Variants in COQ3 observed in about 807,000 individuals in gnomAD.
The protein encoded by COQ3 is coenzyme Q3, methyltransferase.
A neutral mutation model predicts 33.1 loss-of-function variants in COQ3; 29 were observed. That is an observed-to-expected ratio of 0.88 (90% CI 0.65 to 1.19). The LOEUF is 1.19. Among genes scored for constraint, COQ3 ranks in the 50% most tolerant of loss-of-function variants. The pLI is 0.00. For synonymous variants in COQ3, 173 were observed against 157.8 expected, an observed-to-expected ratio of 1.10 and a Z score of -0.72; for missense variants, 437 against 430.7, an observed-to-expected ratio of 1.01 and a Z score of -0.13.
intron 1 of COQ3, among the ~76,000 whole-genome samples, chr6:99,386,518 A>G (rs1438694243): frequency 6.6e-6 from 1 of 152,230 alleles, no homozygotes; most frequent in African/African-American, 2.4e-5. Flanking sequence ...TCAAACCTGA[A>G]GTTAATTCAC....
rs151159563 is a variant in COQ3 at position 99,379,770 on chromosome 6, G to A, written c.386+419C>T. On this transcript the variant is annotated intron_variant, in intron 3 of 6. Transcript: ENST00000254759. The stretch of plus-strand genomic sequence containing the variant: ...CTCAGGAGGCTGAGGCAGGAGAATC[G>A]CTTGAAACCAGGAGGTGGAGGTTGG... Among the ~76,000 whole-genome samples, 266 of 152,014 alleles carry A rather than the reference G, an allele frequency of 1.7e-3. 3 individuals carry two copies. In the East Asian group the frequency reaches 0.043, roughly 25 times the overall value.
At chr6:99,390,879 T>C (rs1315797142) in intron 1 of COQ3, among the ~76,000 whole-genome samples, 1 of 152,142 alleles carries the variant, frequency 6.6e-6, no homozygotes, top group African/African-American at 2.4e-5. Context: ...CAATTTATCA[T>C]GAATGAGGTT....
intron 1 of COQ3, among the ~76,000 whole-genome samples, chr6:99,391,094 T>G (rs868703193): frequency 1.3e-4 from 12 of 95,964 alleles, no homozygotes; most frequent in Non-Finnish European, 1.3e-4. Flanking sequence ...TTTATTTATT[T>G]ATTTATTTAT....
chr6:99,369,517 C>T lies in COQ3; in HGVS notation c.*83G>A. 9.1e-7 allele frequency: 1 copy of T among 1,095,614 alleles called. No individual in the cohort carries two copies. Among genetic ancestry groups the T allele is most frequent in the Non-Finnish European group, 1.3e-6 (1 of 767,350 alleles). The allele number at this position is 1,095,614 out of a possible 1,614,324, so 67.9% of individuals were successfully genotyped here. On this transcript the variant is annotated 3_prime_UTR_variant, in exon 7 of 7. Coordinates refer to ENST00000254759, the MANE Select transcript of COQ3 (RefSeq NM_017421.4). The stretch of plus-strand genomic sequence containing the variant: ...TATTGACCTTCTTTTCTTCATGATT[C>T]TCTCTCAAAGGATAAATTGTACATT...
chr6:99,378,948 CT>C (rs144759090), intron 3 of COQ3, among the ~76,000 whole-genome samples: 263 of 142,590 alleles, frequency 1.8e-3, no homozygotes, highest in Non-Finnish European at 1.9e-3. Context: ...CAATTTCTTT[CT>C]TTTTTTTTTT....
intron 3 of COQ3, among the ~76,000 whole-genome samples, chr6:99,379,158 C>T (rs967291901): frequency 1.7e-4 from 26 of 152,096 alleles, no homozygotes; most frequent in African/African-American, 5.5e-4. Flanking sequence ...AATGCTATCC[C>T]TCGCCCCTCA....
At chr6:99,375,225 C>T (rs1774250746) in intron 5 of COQ3, among the ~76,000 whole-genome samples, 2 of 152,040 alleles carry the variant, frequency 1.3e-5, no homozygotes, top group East Asian at 3.9e-4. Flanking sequence ...GCCTCCGCCT[C>T]CCAAAGTGCT....
chr6:99,384,894 T>C (rs1225261755), intron 1 of COQ3, among the ~76,000 whole-genome samples: 1 of 152,140 alleles, frequency 6.6e-6, no homozygotes. Flanking sequence ...GCAGATCACC[T>C]GAGGTCATGA....
rs940935054 is a variant in COQ3 at position 99,379,223 on chromosome 6, T to C, written c.386+966A>G. On this transcript the variant is annotated intron_variant, in intron 3 of 6. Transcript: ENST00000254759. ...GAAATTACTTACCTAGAAATACGTT[T>C]TAAGAAACAGTTTTGCAACTCACTG... Among the ~76,000 whole-genome samples the C allele has an allele frequency of 5.3e-5, 8 of 152,228 alleles. No individual in the cohort carries two copies. The South Asian group carries it at 1.0e-3, about 20-fold the overall frequency.
At position 99,376,062 on chromosome 6, in the gene COQ3, A is replaced by G. The variant is rs1774273742; in HGVS notation, c.607T>C (p.Cys203Arg). The G allele has an allele frequency of 6.2e-7, 1 of 1,614,176 alleles. No homozygotes were observed. Among genetic ancestry groups the G allele is most frequent in the Non-Finnish European group, 8.5e-7 (1 of 1,180,016 alleles). Residue 203 changes from cysteine to arginine, a missense_variant, in exon 5 of 7, where the codon TGT (cysteine) becomes CGT (arginine). By Grantham distance (180) the Cys-to-Arg change is radical. Coordinates refer to ENST00000254759, the MANE Select transcript of COQ3 (RefSeq NM_017421.4). ...TCTTCCACAATCTCTTCCAGGGAAC[A>G]CACTCTGTACTCTATTCTCTTATCC... is the stretch of plus-strand genomic sequence containing the variant. ...VLDKRIEYRV[C>R]SLEEIVEETA...
At chr6:99,393,046 G>A (rs2128474601) in intron 1 of COQ3, among the ~76,000 whole-genome samples, 1 of 152,144 alleles carries the variant, frequency 6.6e-6, no homozygotes, top group South Asian at 2.1e-4. Context: ...AAAGACACAT[G>A]TTTACTAAAA....
chr6:99,373,980 C>G (rs969236767), intron 5 of COQ3, among the ~76,000 whole-genome samples: 2 of 152,076 alleles, frequency 1.3e-5, no homozygotes, highest in South Asian at 2.1e-4. Context: ...ACACTCCAGC[C>G]TGGGTGACAG....
rs573561937 is a variant in COQ3, at chr6:99,385,694, A to G, written c.107-1870T>C. On this transcript the variant is annotated intron_variant, in intron 1 of 6. Coordinates refer to ENST00000254759, the MANE Select transcript of COQ3 (RefSeq NM_017421.4). ...ATTGAAAAGGAAGAAAGGGCCAGGA[A>G]TGGTGGCTCACACCTGTAATCCCAG... Among the ~76,000 whole-genome samples, 172 of 152,292 alleles carry G rather than the reference A, an allele frequency of 1.1e-3. 1 individual carries two copies. Among genetic ancestry groups the G allele is most frequent in the African/African-American group, 3.9e-3 (163 of 41,574 alleles).
chr6:99,371,742 AT>A (rs1293969847), intron 5 of COQ3, among the ~76,000 whole-genome samples, 155 bp from the exon 6 acceptor site: 3 of 151,972 alleles, frequency 2.0e-5, no homozygotes, highest in Non-Finnish European at 2.9e-5. Context: ...CCAAAATAGC[AT>A]TTTTTTTCTC....
chr6:99,389,209 G>C (rs891010006), intron 1 of COQ3, among the ~76,000 whole-genome samples: 1 of 152,058 alleles, frequency 6.6e-6, no homozygotes, highest in Non-Finnish European at 1.5e-5. Flanking sequence ...TGCAATCTCT[G>C]CCTCCCAGTT....
chr6:99,392,980 C>T (rs1167455914), intron 1 of COQ3, among the ~76,000 whole-genome samples: 1 of 152,140 alleles, frequency 6.6e-6, no homozygotes, highest in African/African-American at 2.4e-5. Flanking sequence ...CTTCTATGTT[C>T]ACCCCTCAAA....
At chr6:99,380,775 T>C (rs986567305) in intron 2 of COQ3, among the ~76,000 whole-genome samples, 1 of 151,966 alleles carries the variant, frequency 6.6e-6, no homozygotes, top group Admixed American at 6.6e-5. Flanking sequence ...GGCATGGTAG[T>C]GGGTACCTCT....
Position 99,376,079 on chromosome 6 carries a change from C to G in COQ3, c.590G>C (p.Arg197Thr). 6.2e-7 allele frequency: 1 copy of G among 1,614,098 alleles called. No homozygotes were observed. Among genetic ancestry groups the G allele is most frequent in the Non-Finnish European group, 8.5e-7 (1 of 1,179,970 alleles). ...CAGGGAACACACTCTGTACTCTATT[C>G]TCTTATCCAGGACTGGATCAAATGA... is the stretch of plus-strand genomic sequence containing the variant. ...HKSFDPVLDKRIEYRVCSLEE... is the reference protein window; with the variant it reads ...HKSFDPVLDKTIEYRVCSLEE... The change falls in exon 5 of 7, where the codon AGA (arginine) becomes ACA (threonine). Residue 197 changes from arginine (R) to threonine (T), a missense_variant. Arg to Thr is a moderately conservative substitution (Grantham distance 71, BLOSUM62 -1). Coordinates refer to ENST00000254759, the MANE Select transcript of COQ3 (RefSeq NM_017421.4).
In COQ3 at chr6:99,378,127, TATATATATATATATATATATATATATATA is replaced by T. The variant is rs1355174540; in HGVS notation, c.387-671_387-643del. 1.2e-3 allele frequency among the ~76,000 whole-genome samples: 29 copies of T among 25,162 alleles called. 3 individuals carry two copies. The highest frequency in any genetic ancestry group is 2.7e-3 in the Non-Finnish European group (11 of 4,102). The allele number at this position is 25,162 out of a possible 152,430, so 16.5% of individuals were successfully genotyped here. ...AAACATATATATATATATATATATA[TATATATATATATATATATATATATATATA>T]TTTAGAGAGAGAGAGAGAGAGAGAG... On this transcript the variant is annotated intron_variant, in intron 3 of 6. Coordinates refer to ENST00000254759, the MANE Select transcript of COQ3 (RefSeq NM_017421.4).
Sources: allele counts gnomAD v4.1 joint callset (sites outside exome capture counted in the v4.1 genomes callset), GRCh38; gene constraint gnomAD v4.1.1; transcripts MANE v1.5; gene names NCBI Gene and HGNC (gene_info 2026-07-23, HGNC 2026-07-21).